The following ANO3 variants were observed in gnomAD, a reference collection of about 807,000 sequenced individuals.
ANO3 encodes anoctamin 3.
A neutral mutation model predicts 144.8 loss-of-function variants in ANO3; 99 were observed. The ratio of observed to expected loss-of-function variants is 0.68; its 90% CI spans 0.58 to 0.81. The LOEUF is 0.81. ANO3 is among the 30% of genes least tolerant of loss of function. The probability of loss-of-function intolerance (pLI) is 0.00; values close to 1 mark genes in which losing one functional copy is unlikely to be tolerated. For synonymous variants in ANO3, 414 were observed against 392.6 expected, an observed-to-expected ratio of 1.05 and a Z score of -0.64; for missense variants, 905 against 1,202.2, an observed-to-expected ratio of 0.75 and a Z score of 3.66.
intron 1 of ANO3, among the ~76,000 whole-genome samples, chr11:26,399,024 G>A (rs1218926654): frequency 6.6e-6 from 1 of 151,868 alleles, no homozygotes; most frequent in East Asian, 1.9e-4. Context: ...TTAAAGGAGG[G>A]AGTCTGAGGT....
chr11:26,360,034 A>G (rs946028810), intron 1 of ANO3, among the ~76,000 whole-genome samples: 1 of 151,868 alleles, frequency 6.6e-6, no homozygotes, highest in Non-Finnish European at 1.5e-5. Flanking sequence ...TCTAATATCT[A>G]CTTATTCTCT....
chr11:26,342,154 G>A (rs189707345), intron 1 of ANO3, among the ~76,000 whole-genome samples: 7 of 152,294 alleles, frequency 4.6e-5, no homozygotes, highest in South Asian at 4.1e-4. Context: ...TGACACAACC[G>A]GGAGTGGTGG....
chr11:26,296,626 T>G (rs1017152543), intron 1 of ANO3, among the ~76,000 whole-genome samples: 20 of 152,280 alleles, frequency 1.3e-4, no homozygotes, highest in Non-Finnish European at 2.6e-4. Flanking sequence ...TATCTTGTGT[T>G]GGGTGACATA....
intron 1 of ANO3, among the ~76,000 whole-genome samples, chr11:26,323,516 T>C (rs1005912998): frequency 6.6e-6 from 1 of 152,076 alleles, no homozygotes; most frequent in Non-Finnish European, 1.5e-5. Context: ...CATCTTTTCT[T>C]ATGGGTCTGT....
At chr11:26,621,769 T>C (rs1397539755) in intron 17 of ANO3, among the ~76,000 whole-genome samples, 3 of 152,148 alleles carry the variant, frequency 2.0e-5, no homozygotes, top group African/African-American at 7.2e-5. Flanking sequence ...ATAATGAATA[T>C]ATTAATTAAT....
intron 17 of ANO3, among the ~76,000 whole-genome samples, chr11:26,603,456 TAGA>T (rs10562151): frequency 0.12 from 17,530 of 151,948 alleles, 1,144 homozygotes; most frequent in Admixed American, 0.21. Context: ...AAGATTCATA[TAGA>T]AGGATTATCA....
At chr11:26,574,873 TG>T (rs1850947119) in intron 14 of ANO3, among the ~76,000 whole-genome samples, 1 of 152,074 alleles carries the variant, frequency 6.6e-6, no homozygotes, top group Non-Finnish European at 1.5e-5. Flanking sequence ...GCAGAGGTTA[TG>T]ATATTGCATA....
chr11:26,442,030 T>A lies in ANO3; in HGVS notation c.159T>A (p.Ser53=). The change falls in exon 2 of 27, where the codon TCT becomes TCA. Residue 53 remains serine (S), a synonymous_variant. Transcript: ENST00000256737. ...SYAYSKSLSQ[S]TSLFQSTESE... ...CTTACTCAAAGAGCTTGAGCCAGTCTACTTCCCTCTTCCAGTCAACCGAGA... is the reference window on the plus strand; with the variant it reads ...CTTACTCAAAGAGCTTGAGCCAGTCAACTTCCCTCTTCCAGTCAACCGAGA... 6.2e-7 allele frequency: 1 copy of A among 1,614,220 alleles called. No individual in the cohort carries two copies. Among genetic ancestry groups the A allele is most frequent in the Non-Finnish European group, 8.5e-7 (1 of 1,180,026 alleles).
At position 26,584,454 on chromosome 11, in the gene ANO3, A is replaced by G. The variant is rs185198484; in HGVS notation, c.1448-13911A>G. 1.2e-3 allele frequency among the ~76,000 whole-genome samples: 178 copies of G among 152,232 alleles called. 1 individual carries two copies. The highest frequency in any genetic ancestry group is 2.0e-3 in the Non-Finnish European group (134 of 67,996). ...GATTATAGGCCTTCCTGTATTGCCA[A>G]TGAGATTCCTTGAAGCATAATTTGA... is the stretch of plus-strand genomic sequence containing the variant. On this transcript the variant is annotated intron_variant, in intron 14 of 26. Coordinates refer to ENST00000256737, the MANE Select transcript of ANO3 (RefSeq NM_031418.4).
intron 1 of ANO3, among the ~76,000 whole-genome samples, chr11:26,336,607 A>C (rs1855200196): frequency 6.6e-6 from 1 of 152,228 alleles, no homozygotes; most frequent in South Asian, 2.1e-4. Context: ...TTCTGAATTC[A>C]AATTACCTAG....
At chr11:26,564,732 C>CATATATAT (rs66510170) in intron 14 of ANO3, among the ~76,000 whole-genome samples, 10 of 25,408 alleles carry the variant, frequency 3.9e-4, no homozygotes, top group South Asian at 2.1e-3. Context: ...CACACACACA[C>CATATATAT]ATATATATAT....
chr11:26,313,916 A>G (rs1163369739), intron 1 of ANO3, among the ~76,000 whole-genome samples: 3 of 150,900 alleles, frequency 2.0e-5, no homozygotes, highest in African/African-American at 4.9e-5. Context: ...AGTACCTAAA[A>G]AAGAAAGAGA....
intron 17 of ANO3, among the ~76,000 whole-genome samples, chr11:26,615,459 G>A (rs1466825396): frequency 6.7e-6 from 1 of 148,632 alleles, no homozygotes; most frequent in African/African-American, 2.5e-5. Context: ...CAAAAACACG[G>A]GACTTTGGAC....
chr11:26,337,831 A>T (rs1247997080), intron 1 of ANO3, among the ~76,000 whole-genome samples: 1 of 152,132 alleles, frequency 6.6e-6, no homozygotes, highest in African/African-American at 2.4e-5. Flanking sequence ...GCTACTCAGG[A>T]GGCTGAGGCA....
At chr11:26,581,327 C>A (rs1380197640) in intron 14 of ANO3, among the ~76,000 whole-genome samples, 1 of 135,326 alleles carries the variant, frequency 7.4e-6, no homozygotes, top group East Asian at 2.1e-4. Flanking sequence ...TTTTTGTATG[C>A]TCACTATAAT....
chr11:26,632,177 G>A (rs1852803997), intron 18 of ANO3, among the ~76,000 whole-genome samples: 1 of 149,540 alleles, frequency 6.7e-6, no homozygotes. Context: ...GGGCGACAAA[G>A]TGAGACTCCA....
chr11:26,281,360 A>G (rs11029464), intron 1 of ANO3, among the ~76,000 whole-genome samples: 33,945 of 152,054 alleles, frequency 0.22, 4,725 homozygotes, highest in African/African-American at 0.4. Context: ...GAGCATTTCC[A>G]AACCACTCTG....
intron 14 of ANO3, among the ~76,000 whole-genome samples, chr11:26,564,667 ACT>A (rs1433604576): frequency 2.2e-5 from 3 of 136,718 alleles, no homozygotes; most frequent in Non-Finnish European, 4.7e-5. Flanking sequence ...CTTTTTAAAA[ACT>A]CATATATATA....
chr11:26,256,486 T>C (rs1488674932), intron 1 of ANO3, among the ~76,000 whole-genome samples: 1 of 152,158 alleles, frequency 6.6e-6, no homozygotes, highest in African/African-American at 2.4e-5. Context: ...TTTAGCAATT[T>C]ATAGATGCAG....
Sources: allele counts gnomAD v4.1 joint callset (sites outside exome capture counted in the v4.1 genomes callset), GRCh38; gene constraint gnomAD v4.1.1; transcripts MANE v1.5; gene names NCBI Gene and HGNC (gene_info 2026-07-23, HGNC 2026-07-21).